The following ZNF268 variants were observed in gnomAD, a reference collection of about 807,000 sequenced individuals.
ZNF268 encodes the protein zinc finger protein 3.
ZNF268 carries 20 observed loss-of-function variants against 29.3 expected under a neutral mutation model. The observed-to-expected ratio is 0.68, with a 90% CI of 0.48 to 0.99. The LOEUF (loss-of-function observed/expected upper bound fraction) is 0.99, where lower values mean the gene tolerates loss of function less well. Among genes scored for constraint, ZNF268 ranks in the 50% least tolerant of loss-of-function variants. The probability of loss-of-function intolerance (pLI) is 0.00; values close to 1 mark genes in which losing one functional copy is unlikely to be tolerated. For synonymous variants in ZNF268, 429 were observed against 376.9 expected (o/e 1.14, Z -1.60); for missense variants, 1,240 against 1,121.6 (o/e 1.11, Z -1.51).
At chr12:133,192,861 A>G (rs1435085365) in intron 5 of ZNF268, among the ~76,000 whole-genome samples, 4 of 152,148 alleles carry the variant, frequency 2.6e-5, no homozygotes, top group Non-Finnish European at 4.4e-5. Context: ...GGGTTTCACC[A>G]CATTAGACAG....
In ZNF268 at chr12:133,214,443, G is replaced by A. The variant is rs1459210941; in HGVS notation, c.*9913G>A. ...CCAGCTACTCGGGAGGCTGAGGTGGGAGGGTCGCTTGAGCCTGGGAGTTCA... is the reference window on the plus strand; with the variant it reads ...CCAGCTACTCGGGAGGCTGAGGTGGAAGGGTCGCTTGAGCCTGGGAGTTCA... On this transcript the variant is annotated 3_prime_UTR_variant, in exon 6 of 6. Transcript: ENST00000536435. The A allele has an allele frequency of 6.6e-6, 1 of 152,248 alleles. No homozygotes were observed. Among genetic ancestry groups the A allele is most frequent in the Non-Finnish European group, 1.5e-5 (1 of 68,078 alleles). 9.4% of individuals were successfully genotyped at this position (152,248 alleles called of 1,614,324 possible). A position where few individuals can be genotyped will look rare whatever the true frequency, so the allele number is the denominator to read the frequency against.
rs867329836 is a variant in ZNF268 at position 133,188,043 on chromosome 12, C to A, written c.205C>A (p.Gln69Lys). 4 of 1,592,018 alleles carry A rather than the reference C, an allele frequency of 2.5e-6. No individual in the cohort carries two copies. The highest frequency in any genetic ancestry group is 4.5e-5 in the East Asian group (2 of 44,360). Reference protein sequence around the residue: ...EKVLEWLFISQEQPKITKSWG... With the variant: ...EKVLEWLFISKEQPKITKSWG... ...AGTCCTAGAGTGGCTGTTTATTTCCCAAGAGCAGCCAAAAATCACCAAGTC... is the reference window on the plus strand; with the variant it reads ...AGTCCTAGAGTGGCTGTTTATTTCCAAAGAGCAGCCAAAAATCACCAAGTC... The change falls in exon 3 of 6, where the codon CAA (glutamine) becomes AAA (lysine). Residue 69 changes from glutamine to lysine, a missense_variant. By Grantham distance (53) the Gln-to-Lys change is moderately conservative. Coordinates refer to ENST00000536435, the MANE Select transcript of ZNF268 (RefSeq NM_003415.3).
Position 133,212,492 on chromosome 12 carries a change from TATATATGTATATATAC to T in ZNF268, c.*7964_*7979del, listed in dbSNP as rs1956999697. ...ATATATATATATATATATATATATA[TATATATGTATATATAC>T]ACACACACATACACACATATATACA... On this transcript the variant is annotated 3_prime_UTR_variant, in exon 6 of 6. Transcript: ENST00000536435. 1 of 9,850 alleles carries T rather than the reference TATATATGTATATATAC, an allele frequency of 1.0e-4. No individual in the cohort carries two copies. Among genetic ancestry groups the T allele is most frequent in the African/African-American group, 1.0e-3 (1 of 982 alleles). 0.6% of individuals were successfully genotyped at this position (9,850 alleles called of 1,614,324 possible).
In ZNF268 at chr12:133,204,734, CTG is replaced by C. The variant is rs1956856641; in HGVS notation, c.*205_*206del. The C allele has an allele frequency of 9.3e-6, 4 of 428,622 alleles. No individual in the cohort carries two copies. The highest frequency in any genetic ancestry group is 8.1e-6 in the Non-Finnish European group (2 of 245,690). The allele number at this position is 428,622 out of a possible 1,614,324, so 26.6% of individuals were successfully genotyped here. On this transcript the variant is annotated 3_prime_UTR_variant, in exon 6 of 6. Coordinates refer to ENST00000536435, the MANE Select transcript of ZNF268 (RefSeq NM_003415.3). ...AGATAGTAGACAATACACAGGAAAA[CTG>C]AATTTAGTAACCACTCTGAAAATTT...
chr12:133,184,113 T>C (rs906360003), intron 2 of ZNF268, among the ~76,000 whole-genome samples: 3 of 148,952 alleles, frequency 2.0e-5, no homozygotes, highest in Non-Finnish European at 4.4e-5. Context: ...TTTCTTGTTT[T>C]CTTTTTTTTT....
chr12:133,187,989 C>T lies in ZNF268; in HGVS notation c.151C>T (p.Gln51Ter). ...GLQPLPGTPR[Q>*]KQKSRRIEKV... ...GCAACCTCTCCCTGGAACACCCAGG[C>T]AGAAGCAGAAGAGTCGCAGAATAGA... Residue 51 changes from glutamine to a stop codon, truncating the protein, a stop_gained, in exon 3 of 6, where the codon CAG becomes TAG. Coordinates refer to ENST00000536435, the MANE Select transcript of ZNF268 (RefSeq NM_003415.3). LOFTEE classifies it high-confidence loss of function. 6.3e-7 allele frequency: 1 copy of T among 1,597,538 alleles called. No individual in the cohort carries two copies. Among genetic ancestry groups the T allele is most frequent in the Non-Finnish European group, 8.5e-7 (1 of 1,171,588 alleles).
intron 5 of ZNF268, among the ~76,000 whole-genome samples, chr12:133,199,535 A>G (rs1956699376): frequency 6.6e-6 from 1 of 151,804 alleles, no homozygotes; most frequent in Admixed American, 6.6e-5. Flanking sequence ...TGGTATCAGG[A>G]TGATGCTGGC....
At chr12:133,191,668 G>A in intron 4 of ZNF268, 53 bp downstream of exon 4, 1 of 1,601,054 alleles carries the variant, frequency 6.2e-7, no homozygotes, top group East Asian at 2.2e-5. Context: ...GCTTCTTCTT[G>A]GTTGCTGAAA....
intron 5 of ZNF268, among the ~76,000 whole-genome samples, chr12:133,198,912 T>C (rs1185868442): frequency 4.7e-5 from 7 of 147,790 alleles, no homozygotes; most frequent in Non-Finnish European, 9.0e-5. Flanking sequence ...CTGAAGTTGC[T>C]TATCAGCTTA....
intron 5 of ZNF268, among the ~76,000 whole-genome samples, chr12:133,201,476 C>T (rs926108142): frequency 1.1e-4 from 17 of 152,166 alleles, no homozygotes; most frequent in Admixed American, 1.1e-3. Flanking sequence ...TTCCTCATTG[C>T]TCTATTTTCT....
intron 5 of ZNF268, among the ~76,000 whole-genome samples, chr12:133,192,721 G>A (rs1254863930): frequency 6.6e-6 from 1 of 151,904 alleles, no homozygotes; most frequent in African/African-American, 2.4e-5. Flanking sequence ...CCAGGCTGGA[G>A]TGCAGGGGTG....
chr12:133,202,117 C>A (rs1566379892), intron 5 of ZNF268, 27 bp from the exon 6 acceptor site: 16 of 1,516,982 alleles, frequency 1.1e-5, no homozygotes, highest in Non-Finnish European at 1.4e-5. Context: ...TGATTTATAA[C>A]ATGTGACCAA....
At position 133,204,633 on chromosome 12, in the gene ZNF268, T is replaced by A; in HGVS notation, c.*103T>A. The A allele has an allele frequency of 1.2e-6, 1 of 866,196 alleles. No homozygotes were observed. Among genetic ancestry groups the A allele is most frequent in the Non-Finnish European group, 1.6e-6 (1 of 615,844 alleles). 53.7% of individuals were successfully genotyped at this position (866,196 alleles called of 1,614,324 possible). On this transcript the variant is annotated 3_prime_UTR_variant, in exon 6 of 6. Coordinates refer to ENST00000536435, the MANE Select transcript of ZNF268 (RefSeq NM_003415.3). ...ATCATCTTGTCATCTTCCAGAAAAC[T>A]CATACTGAATAGAAACTTTATGAAT...
intron 2 of ZNF268, among the ~76,000 whole-genome samples, chr12:133,183,071 T>C (rs147995527): frequency 5.3e-5 from 8 of 152,304 alleles, no homozygotes; most frequent in African/African-American, 1.7e-4. Flanking sequence ...GAACTGCGCA[T>C]GCGAAAGATC....
Position 133,206,651 on chromosome 12 carries a change from C to T in ZNF268, c.*2121C>T, listed in dbSNP as rs1170843601. 1.3e-5 allele frequency: 2 copies of T among 152,144 alleles called. No individual in the cohort carries two copies. Among genetic ancestry groups the T allele is most frequent in the African/African-American group, 2.4e-5 (1 of 41,436 alleles). The allele number at this position is 152,144 out of a possible 1,614,324, so 9.4% of individuals were successfully genotyped here. A position where few individuals can be genotyped will look rare whatever the true frequency, so the allele number is the denominator to read the frequency against. On this transcript the variant is annotated 3_prime_UTR_variant, in exon 6 of 6. Transcript: ENST00000536435. Reference sequence around the variant, plus strand: ...TCTGAAACACCTTCTGCTTTGTACTCTATTAGATACCCAAAGAAATTTTCA... The same window carrying T: ...TCTGAAACACCTTCTGCTTTGTACTTTATTAGATACCCAAAGAAATTTTCA...
intron 5 of ZNF268, among the ~76,000 whole-genome samples, chr12:133,200,984 TAC>T (rs916980755): frequency 9.2e-5 from 14 of 152,256 alleles, no homozygotes; most frequent in African/African-American, 2.2e-4. Context: ...ATCATTCTGA[TAC>T]AGTTATTTCA....
In ZNF268 at chr12:133,204,695, C is replaced by G; in HGVS notation, c.*165C>G. ...GGAAAGGCATCCACAGAAAGCTGTT[C>G]TTTACATGCAAAAAGATAGTAGACA... is the stretch of plus-strand genomic sequence containing the variant. On this transcript the variant is annotated 3_prime_UTR_variant, in exon 6 of 6. Transcript: ENST00000536435. The G allele has an allele frequency of 1.9e-6, 1 of 539,650 alleles. No homozygotes were observed. Among genetic ancestry groups the G allele is most frequent in the Non-Finnish European group, 3.1e-6 (1 of 319,150 alleles). The allele number at this position is 539,650 out of a possible 1,614,324, so 33.4% of individuals were successfully genotyped here. A position where few individuals can be genotyped will look rare whatever the true frequency, so the allele number is the denominator to read the frequency against.
intron 2 of ZNF268, among the ~76,000 whole-genome samples, chr12:133,182,808 T>G (rs11147284): frequency 0.62 from 94,479 of 151,956 alleles, 30,728 homozygotes; most frequent in African/African-American, 0.79. Context: ...GATAGTAGAG[T>G]TATATTAAAA....
chr12:133,202,833 T>A lies in ZNF268; in HGVS notation c.1147T>A (p.Ser383Thr), dbSNP rs766866863. ...GCTTGTTTCACACCAGAAAACTCAT[T>A]CAGGACAGAAACCATATGTGTGTAA... ...DQLVSHQKTH[S>T]GQKPYVCNEC... The change falls in exon 6 of 6, where the codon TCA becomes ACA. Residue 383 changes from serine (S) to threonine (T), a missense_variant. By Grantham distance (58) the Ser-to-Thr change is moderately conservative (BLOSUM62 1). Transcript: ENST00000536435. The A allele has an allele frequency of 3.1e-6, 5 of 1,595,668 alleles. No homozygotes were observed. Among genetic ancestry groups the A allele is most frequent in the Non-Finnish European group, 4.3e-6 (5 of 1,173,618 alleles).
Sources: allele counts gnomAD v4.1 joint callset (sites outside exome capture counted in the v4.1 genomes callset), GRCh38; gene constraint gnomAD v4.1.1; transcripts MANE v1.5; gene names NCBI Gene and HGNC (gene_info 2026-07-23, HGNC 2026-07-21).